COPS4: variants seen among roughly 807,000 people sequenced by gnomAD.
COPS4 encodes COP9 signalosome subunit 4, also known as COP9 signalosome complex subunit 4.
COPS4 carries 8 observed loss-of-function variants against 55.1 expected under a neutral mutation model. The ratio of observed to expected loss-of-function variants is 0.15; its 90% CI spans 0.09 to 0.26. COPS4 has a LOEUF of 0.26. Among genes scored for constraint, COPS4 ranks in the 10% least tolerant of loss-of-function variants. The pLI is 1.00. For missense variants in COPS4, 248 were observed against 484.0 expected, an observed-to-expected ratio of 0.51 and a Z score of 4.58; for synonymous variants, 185 against 165.7, an observed-to-expected ratio of 1.12 and a Z score of -0.90.
At chr4:83,065,630 G>T (rs1731275587) in intron 7 of COPS4, among the ~76,000 whole-genome samples, 1 of 152,156 alleles carries the variant, frequency 6.6e-6, no homozygotes, top group Non-Finnish European at 1.5e-5. Flanking sequence ...TAGGACCCTG[G>T]GTCCAGAACA....
chr4:83,037,840 G>T (rs551264508), intron 1 of COPS4, among the ~76,000 whole-genome samples: 1 of 152,282 alleles, frequency 6.6e-6, no homozygotes, highest in African/African-American at 2.4e-5. Flanking sequence ...TTGAATTAAT[G>T]AATAGCTAGA....
At chr4:83,058,036 A>G (rs991016576) in intron 6 of COPS4, among the ~76,000 whole-genome samples, 3 of 151,588 alleles carry the variant, frequency 2.0e-5, no homozygotes, top group South Asian at 2.1e-4. Flanking sequence ...ATTAAAATCT[A>G]TAGATTGATG....
intron 1 of COPS4, among the ~76,000 whole-genome samples, chr4:83,043,518 CAA>C (rs34480105): frequency 0.016 from 276 of 17,594 alleles, no homozygotes; most frequent in African/African-American, 0.041. Flanking sequence ...GACCCTGTCT[CAA>C]AAAAAAAAAA....
At chr4:83,065,224 G>A (rs995935757) in intron 7 of COPS4, 24 of 444,288 alleles carry the variant, frequency 5.4e-5, no homozygotes, top group African/African-American at 5.1e-4. Flanking sequence ...TTACTGGATT[G>A]GATATTTAAT....
At chr4:83,047,486 C>T (rs905864815) in intron 2 of COPS4, among the ~76,000 whole-genome samples, 13 of 151,502 alleles carry the variant, frequency 8.6e-5, no homozygotes, top group Admixed American at 1.3e-4. Context: ...CCCCGGTGGT[C>T]GAGACTGAAG....
intron 4 of COPS4, among the ~76,000 whole-genome samples, chr4:83,056,071 A>G (rs893808316): frequency 2.6e-5 from 4 of 151,512 alleles, no homozygotes; most frequent in African/African-American, 9.7e-5. Context: ...TGGGATTACA[A>G]GTGTGGTGCC....
At chr4:83,056,624 C>G (rs1229914963) in intron 4 of COPS4, among the ~76,000 whole-genome samples, 1 of 152,056 alleles carries the variant, frequency 6.6e-6, no homozygotes, top group Non-Finnish European at 1.5e-5. Flanking sequence ...CGATGAAACC[C>G]CGTCTCTACT....
intron 6 of COPS4, among the ~76,000 whole-genome samples, chr4:83,061,818 G>A (rs943907333): frequency 2.0e-5 from 3 of 151,996 alleles, no homozygotes; most frequent in African/African-American, 4.8e-5. Context: ...GATTATAGGC[G>A]TGAGCCACTG....
At chr4:83,069,265 CT>C (rs942031605) in intron 9 of COPS4, among the ~76,000 whole-genome samples, 7 of 152,154 alleles carry the variant, frequency 4.6e-5, no homozygotes, top group Admixed American at 2.6e-4. Flanking sequence ...GTACCCAGAA[CT>C]TTTCCACTTG....
At position 83,056,953 on chromosome 4, in the gene COPS4, G is replaced by T. The variant is rs1731030273; in HGVS notation, c.438G>T (p.Glu146Asp). 1.2e-6 allele frequency: 2 copies of T among 1,613,064 alleles called. No homozygotes were observed. Among genetic ancestry groups the T allele is most frequent in the African/African-American group, 1.3e-5 (1 of 74,894 alleles). The change falls in exon 5 of 10, where the codon GAG becomes GAT. Residue 146 changes from glutamate to aspartate, a missense_variant. Physicochemically the swap from Glu to Asp is conservative, Grantham distance 45 (BLOSUM62 2). This residue lies in a region of COPS4 where 155 missense variants were observed against 326.6 expected (regional missense o/e 0.47). Coordinates refer to ENST00000264389, the MANE Select transcript of COPS4 (RefSeq NM_016129.3). ...QKQYNVDYKL[E>D]TYLKIARLYL... is the part of the protein sequence containing the mutation. The stretch of plus-strand genomic sequence containing the variant: ...AGTACAATGTAGATTATAAACTGGA[G>T]ACTTACTTGAAGATTGCTAGGCTAT...
intron 2 of COPS4, 80 bp downstream of exon 2, chr4:83,045,785 C>A: frequency 1.2e-6 from 1 of 807,268 alleles, no homozygotes; most frequent in South Asian, 1.8e-5. Flanking sequence ...TGTTTTGTAT[C>A]AAATTATCAA....
At chr4:83,068,835 T>C (rs1448752700) in intron 9 of COPS4, among the ~76,000 whole-genome samples, 1 of 151,894 alleles carries the variant, frequency 6.6e-6, no homozygotes, top group Non-Finnish European at 1.5e-5. Context: ...CCAGGTGTGG[T>C]GACAGGCACC....
chr4:83,067,157 T>G, intron 8 of COPS4, among the ~76,000 whole-genome samples: 1 of 151,980 alleles, frequency 6.6e-6, no homozygotes, highest in Non-Finnish European at 1.5e-5. Flanking sequence ...TGCTTCAGAC[T>G]CGTGGGTTCA....
rs774796843 is a variant in COPS4, at chr4:83,063,249, A to G, written c.886+3A>G. ...CCAAAAAGCAACTACAGCTGATGGTAATGATCCTGTCTTATGTGTATATGG... is the reference window on the plus strand; with the variant it reads ...CCAAAAAGCAACTACAGCTGATGGTGATGATCCTGTCTTATGTGTATATGG... On this transcript the variant is annotated splice_donor_region_variant and intron_variant, in intron 7 of 9. Transcript: ENST00000264389. 2 of 1,611,952 alleles carry G rather than the reference A, an allele frequency of 1.2e-6. No individual in the cohort carries two copies. The highest frequency in any genetic ancestry group is 1.7e-6 in the Non-Finnish European group (2 of 1,178,930).
Position 83,056,917 on chromosome 4 carries a change from A to C in COPS4, c.411-9A>C. 1 of 1,564,390 alleles carries C rather than the reference A, an allele frequency of 6.4e-7. No individual in the cohort carries two copies. The highest frequency in any genetic ancestry group is 8.7e-7 in the Non-Finnish European group (1 of 1,154,884). Reference sequence around the variant, plus strand: ...TTGAGTCATTATGTGTTTTTCTGTTACATCCTAGACAGTACAATGTAGATT... The same window carrying C: ...TTGAGTCATTATGTGTTTTTCTGTTCCATCCTAGACAGTACAATGTAGATT... On this transcript the variant is annotated splice_polypyrimidine_tract_variant and intron_variant, in intron 4 of 9. Coordinates refer to ENST00000264389, the MANE Select transcript of COPS4 (RefSeq NM_016129.3).
intron 7 of COPS4, chr4:83,065,275 TTTAGA>T: frequency 1.7e-5 from 7 of 424,170 alleles, no homozygotes; most frequent in African/African-American, 1.0e-4. Flanking sequence ...AAAAGGGAGA[TTTAGA>T]TTAGAGATAT....
chr4:83,074,630 T>G (rs1313998943), intron 9 of COPS4, among the ~76,000 whole-genome samples: 1 of 150,960 alleles, frequency 6.6e-6, no homozygotes, highest in Non-Finnish European at 1.5e-5. Context: ...GCCCGGCTAA[T>G]TTTTGTATTT....
intron 9 of COPS4, among the ~76,000 whole-genome samples, chr4:83,069,846 T>A (rs1461789085): frequency 6.6e-6 from 1 of 152,170 alleles, no homozygotes; most frequent in Non-Finnish European, 1.5e-5. Flanking sequence ...CACTTGGGCT[T>A]TGGACCTTTT....
Position 83,070,734 on chromosome 4 carries a change from T to TC in COPS4, c.1087+2215dup, listed in dbSNP as rs536314001. 1.3e-3 allele frequency among the ~76,000 whole-genome samples: 191 copies of TC among 152,302 alleles called. 1 individual carries two copies. Among genetic ancestry groups the TC allele is most frequent in the African/African-American group, 4.4e-3 (183 of 41,572 alleles). On this transcript the variant is annotated intron_variant, in intron 9 of 9. Coordinates refer to ENST00000264389, the MANE Select transcript of COPS4 (RefSeq NM_016129.3). ...TACAATTGCTCCTTTCTAGTTCAGTTCCCTAGTACAGCTGGAGTGATTATT... is the reference window on the plus strand; with the variant it reads ...TACAATTGCTCCTTTCTAGTTCAGTTCCCCTAGTACAGCTGGAGTGATTATT...
Sources: gnomAD v4.1 joint callset for allele counts (sites outside exome capture counted in the v4.1 genomes callset) on GRCh38, gnomAD v4.1.1 for gene constraint, gnomAD v4.1.1 regional missense constraint, MANE v1.5 for transcripts, NCBI Gene and HGNC (gene_info 2026-07-23, HGNC 2026-07-21) for gene names.